LUZP2: variants seen among roughly 807,000 people sequenced by gnomAD.
LUZP2 encodes leucine zipper protein 2.
A neutral mutation model predicts 51.6 loss-of-function variants in LUZP2; 52 were observed. The observed-to-expected ratio is 1.01, with a 90% CI of 0.81 to 1.27. LUZP2 has a LOEUF of 1.27. LUZP2 is among the 50% of genes most tolerant of loss of function. The probability of loss-of-function intolerance (pLI) is 0.00; values close to 1 mark genes in which losing one functional copy is unlikely to be tolerated. For missense variants in LUZP2, 436 were observed against 395.4 expected (o/e 1.10, Z -0.87); for synonymous variants, 154 against 137.3 (o/e 1.12, Z -0.85).
At chr11:24,756,414 C>A (rs1229096352) in intron 4 of LUZP2, among the ~76,000 whole-genome samples, 1 of 152,218 alleles carries the variant, frequency 6.6e-6, no homozygotes, top group Non-Finnish European at 1.5e-5. Flanking sequence ...GTTTGCATTT[C>A]CCTGTGCATC....
intron 1 of LUZP2, among the ~76,000 whole-genome samples, chr11:24,616,751 T>G (rs945808390): frequency 3.3e-5 from 5 of 152,156 alleles, no homozygotes; most frequent in African/African-American, 1.2e-4. Context: ...CCTCTGACCT[T>G]ATTCTTCTTT....
chr11:25,048,488 A>G (rs190751829), intron 9 of LUZP2, among the ~76,000 whole-genome samples: 42 of 152,300 alleles, frequency 2.8e-4, no homozygotes, highest in Middle Eastern at 3.4e-3. Context: ...CTCTATGAAG[A>G]CCCAAATGCT....
chr11:25,076,214 G>C (rs1158358443), intron 10 of LUZP2, among the ~76,000 whole-genome samples: 1 of 151,846 alleles, frequency 6.6e-6, no homozygotes, highest in East Asian at 2.0e-4. Context: ...TTTCGTTTTT[G>C]TTTTTGTTTT....
chr11:24,855,772 A>G (rs73440171), intron 5 of LUZP2, among the ~76,000 whole-genome samples: 4,608 of 152,212 alleles, frequency 0.03, 220 homozygotes, highest in African/African-American at 0.11. Flanking sequence ...AATAGATAGA[A>G]CAATGGAGAA....
intron 1 of LUZP2, among the ~76,000 whole-genome samples, chr11:24,562,699 C>CAAA (rs10692762): frequency 0.38 from 52,494 of 138,270 alleles, 9,989 homozygotes; most frequent in Middle Eastern, 0.46. Flanking sequence ...TGAAAAAATA[C>CAAA]AAAAAAAAAA....
chr11:24,603,467 G>C lies in LUZP2; in HGVS notation c.62+106162G>C, dbSNP rs376717170. 7.8e-4 allele frequency among the ~76,000 whole-genome samples: 119 copies of C among 151,890 alleles called. 1 individual carries two copies. Among genetic ancestry groups the C allele is most frequent in the South Asian group, 2.1e-3 (10 of 4,826 alleles). ...TCATCCAAGTGAGAACCAGAAATTTGACACAGAAATGACAACAGTAAATTC... is the reference window on the plus strand; with the variant it reads ...TCATCCAAGTGAGAACCAGAAATTTCACACAGAAATGACAACAGTAAATTC... On this transcript the variant is annotated intron_variant, in intron 1 of 11. Transcript: ENST00000336930.
In LUZP2 at chr11:25,017,313, C is replaced by T. The variant is rs1857188976; in HGVS notation, c.766-32725C>T. Among the ~76,000 whole-genome samples, 4 of 152,086 alleles carry T rather than the reference C, an allele frequency of 2.6e-5. No homozygotes were observed. The South Asian group carries it at 8.3e-4, about 32-fold the overall frequency. On this transcript the variant is annotated intron_variant, in intron 9 of 11. Coordinates refer to ENST00000336930, the MANE Select transcript of LUZP2 (RefSeq NM_001009909.4). Reference sequence around the variant, plus strand: ...TATTTATTTTTGTTTTTGTTGCTTTCCCTTTGGGGACTTAGTCATAAATTC... The same window carrying T: ...TATTTATTTTTGTTTTTGTTGCTTTTCCTTTGGGGACTTAGTCATAAATTC...
intron 1 of LUZP2, among the ~76,000 whole-genome samples, chr11:24,649,404 T>G (rs1324453042): frequency 6.6e-6 from 1 of 151,882 alleles, no homozygotes; most frequent in Non-Finnish European, 1.5e-5. Context: ...TCCTGAATGG[T>G]TAGGGAGTGA....
intron 7 of LUZP2, among the ~76,000 whole-genome samples, chr11:24,938,109 A>G (rs1485628456): frequency 1.3e-5 from 2 of 152,150 alleles, no homozygotes; most frequent in Non-Finnish European, 2.9e-5. Flanking sequence ...ATTAATAAGA[A>G]GAAAAAAACC....
At chr11:25,000,704 G>T (rs779332660) in intron 9 of LUZP2, among the ~76,000 whole-genome samples, 2 of 152,118 alleles carry the variant, frequency 1.3e-5, no homozygotes, top group Non-Finnish European at 2.9e-5. Flanking sequence ...GTAAACACCG[G>T]GTGGCATCTC....
intron 1 of LUZP2, among the ~76,000 whole-genome samples, chr11:24,695,833 T>C (rs1857229703): frequency 1.3e-5 from 2 of 151,964 alleles, no homozygotes; most frequent in Non-Finnish European, 2.9e-5. Context: ...GAGCCAAATT[T>C]CTTTGGGATG....
intron 1 of LUZP2, among the ~76,000 whole-genome samples, chr11:24,612,210 G>A (rs1854146947): frequency 6.6e-6 from 1 of 152,068 alleles, no homozygotes; most frequent in Non-Finnish European, 1.5e-5. Context: ...GAATTAATGT[G>A]GATTACATAG....
chr11:24,545,138 T>G (rs1851500479), intron 1 of LUZP2, among the ~76,000 whole-genome samples: 1 of 151,818 alleles, frequency 6.6e-6, no homozygotes, highest in Non-Finnish European at 1.5e-5. Flanking sequence ...TTTTTTTTCT[T>G]GCTGATTTCA....
At chr11:24,766,012 C>T (rs1340996617) in intron 5 of LUZP2, among the ~76,000 whole-genome samples, 4 of 152,138 alleles carry the variant, frequency 2.6e-5, no homozygotes, top group Admixed American at 6.5e-5. Context: ...CCACTCACCT[C>T]AGCCTCCTAA....
intron 5 of LUZP2, among the ~76,000 whole-genome samples, chr11:24,765,068 G>A (rs1387369555): frequency 1.3e-5 from 2 of 151,944 alleles, no homozygotes; most frequent in South Asian, 2.1e-4. Flanking sequence ...AACCAAAAAA[G>A]CTTTGGTCTT....
At chr11:24,760,862 C>T (rs567483501) in intron 4 of LUZP2, among the ~76,000 whole-genome samples, 44 of 152,282 alleles carry the variant, frequency 2.9e-4, no homozygotes, top group Admixed American at 1.2e-3. Flanking sequence ...TTGACTGTTT[C>T]TATTTCTGTA....
At chr11:24,528,042 T>A (rs530951114) in intron 1 of LUZP2, among the ~76,000 whole-genome samples, 5 of 151,312 alleles carry the variant, frequency 3.3e-5, no homozygotes, top group Non-Finnish European at 7.4e-5. Context: ...TGACTATTAT[T>A]GAGAATATGG....
chr11:24,940,787 T>G (rs1854724822), intron 7 of LUZP2, among the ~76,000 whole-genome samples: 1 of 152,266 alleles, frequency 6.6e-6, no homozygotes, highest in South Asian at 2.1e-4. Context: ...TTTCCTATTC[T>G]TGAGTGAGTT....
chr11:24,497,083 C>A lies in LUZP2; in HGVS notation c.-161C>A. 1 of 517,806 alleles carries A rather than the reference C, an allele frequency of 1.9e-6. No individual in the cohort carries two copies. The highest frequency in any genetic ancestry group is 3.2e-6 in the Non-Finnish European group (1 of 308,536). 32.1% of individuals were successfully genotyped at this position (517,806 alleles called of 1,614,324 possible). A position where few individuals can be genotyped will look rare whatever the true frequency, so the allele number is the denominator to read the frequency against. On this transcript the variant is annotated 5_prime_UTR_variant, in exon 1 of 12. It adds an upstream start codon to the 5' untranslated region. Coordinates refer to ENST00000336930, the MANE Select transcript of LUZP2 (RefSeq NM_001009909.4). ...TGAAGATACTCCTCGCTCCCAGCGC[C>A]TGCCTTCCCCAGGCGTCCGTTCGTG... is the stretch of plus-strand genomic sequence containing the variant.
Sources: allele counts gnomAD v4.1 joint callset (sites outside exome capture counted in the v4.1 genomes callset), GRCh38; gene constraint gnomAD v4.1.1; transcripts MANE v1.5; gene names NCBI Gene and HGNC (gene_info 2026-07-23, HGNC 2026-07-21).